PFDN1: variants seen among roughly 807,000 people sequenced by gnomAD.
PFDN1 encodes the protein prefoldin 1.
PFDN1 carries 6 observed loss-of-function variants against 17.3 expected under a neutral mutation model. The ratio of observed to expected loss-of-function variants is 0.35; its 90% confidence interval spans 0.19 to 0.69. The LOEUF is 0.69. Ranked by LOEUF, PFDN1 falls within the 30% of genes least tolerant of loss-of-function variation. The probability of loss-of-function intolerance (pLI) is 0.65; values close to 1 mark genes in which losing one functional copy is unlikely to be tolerated. For synonymous variants in PFDN1, 58 were observed against 50.1 expected (o/e 1.16, Z -0.67); for missense variants, 113 against 146.2 (o/e 0.77, Z 1.17).
chr5:140,276,298 G>C (rs571949015), intron 3 of PFDN1, among the ~76,000 whole-genome samples: 2 of 152,218 alleles, frequency 1.3e-5, no homozygotes, highest in East Asian at 3.9e-4. Context: ...AGAGTAACCA[G>C]AGAACACAAG....
intron 2 of PFDN1, among the ~76,000 whole-genome samples, chr5:140,286,922 T>C (rs986328163): frequency 6.6e-6 from 1 of 152,130 alleles, no homozygotes; most frequent in East Asian, 1.9e-4. Context: ...GTTTTCTAAG[T>C]ATGTAAAAAA....
At chr5:140,262,165 G>C (rs1765074477) in intron 3 of PFDN1, among the ~76,000 whole-genome samples, 1 of 152,138 alleles carries the variant, frequency 6.6e-6, no homozygotes, top group Non-Finnish European at 1.5e-5. Context: ...TCAATTTCCA[G>C]ATGCCAGGCC....
chr5:140,270,643 G>GGTGCCCATA (rs1765192757), intron 3 of PFDN1, among the ~76,000 whole-genome samples: 1 of 151,794 alleles, frequency 6.6e-6, no homozygotes, highest in African/African-American at 2.4e-5. Context: ...ACCAATCTAT[G>GGTGCCCATA]GGCCAGGCAC....
At chr5:140,278,516 C>T (rs1765335006) in intron 3 of PFDN1, among the ~76,000 whole-genome samples, 2 of 130,606 alleles carry the variant, frequency 1.5e-5, no homozygotes, top group Non-Finnish European at 3.1e-5. Flanking sequence ...AGCCAAGACA[C>T]ACCACTGGAC....
chr5:140,252,863 C>A (rs1397119407), intron 3 of PFDN1, among the ~76,000 whole-genome samples: 1 of 152,214 alleles, frequency 6.6e-6, no homozygotes, highest in African/African-American at 2.4e-5. Flanking sequence ...GCCCTGAGGG[C>A]ACATGTGCCC....
At chr5:140,270,643 G>A (rs1765192711) in intron 3 of PFDN1, among the ~76,000 whole-genome samples, 1 of 151,794 alleles carries the variant, frequency 6.6e-6, no homozygotes, top group Admixed American at 6.6e-5. Context: ...ACCAATCTAT[G>A]GGCCAGGCAC....
chr5:140,299,514 T>C (rs903715306), intron 2 of PFDN1, among the ~76,000 whole-genome samples: 1 of 150,964 alleles, frequency 6.6e-6, no homozygotes, highest in Non-Finnish European at 1.5e-5. Flanking sequence ...GCAGAATTGT[T>C]TGAACCCAAG....
chr5:140,282,039 TAGTC>T (rs1554072526), intron 2 of PFDN1: 1 of 147,260 alleles, frequency 6.8e-6, no homozygotes, highest in Non-Finnish European at 1.5e-5. Flanking sequence ...TTTAAAATAT[TAGTC>T]AGGCACAGTG....
chr5:140,287,771 A>C (rs1196865986), intron 2 of PFDN1, among the ~76,000 whole-genome samples: 1 of 152,252 alleles, frequency 6.6e-6, no homozygotes, highest in Non-Finnish European at 1.5e-5. Flanking sequence ...TATTTAAAAC[A>C]GGCAAAAGAT....
intron 2 of PFDN1, among the ~76,000 whole-genome samples, chr5:140,288,610 T>C (rs568356391): frequency 1.3e-5 from 2 of 152,076 alleles, no homozygotes; most frequent in Non-Finnish European, 2.9e-5. Flanking sequence ...GAAGAAACAG[T>C]GTGGGAGAGA....
intron 1 of PFDN1, among the ~76,000 whole-genome samples, chr5:140,301,554 G>T (rs1483574566): frequency 6.6e-6 from 1 of 152,148 alleles, no homozygotes; most frequent in East Asian, 1.9e-4. Flanking sequence ...TTACTTTGGG[G>T]AAGGGGAGGG....
rs193056087 is a variant in PFDN1 at position 140,279,133 on chromosome 5, G to A, written c.285+2316C>T. ...AATTCCTATTTTAAAAAAAGGTTGT[G>A]TATATATATGCATGTATGAATGTCT... On this transcript the variant is annotated intron_variant, in intron 3 of 3. Coordinates refer to ENST00000261813, the MANE Select transcript of PFDN1 (RefSeq NM_002622.5). 3.9e-5 allele frequency among the ~76,000 whole-genome samples: 6 copies of A among 152,238 alleles called. No individual in the cohort carries two copies. In the East Asian group the frequency reaches 1.2e-3, roughly 29 times the overall value.
chr5:140,282,088 G>A (rs1765411649), intron 2 of PFDN1: 2 of 151,886 alleles, frequency 1.3e-5, no homozygotes, highest in Non-Finnish European at 2.9e-5. Context: ...TAGGGAGGCT[G>A]AGGTGGGAGG....
At chr5:140,291,177 C>T (rs893867946) in intron 2 of PFDN1, among the ~76,000 whole-genome samples, 2 of 152,194 alleles carry the variant, frequency 1.3e-5, no homozygotes, top group African/African-American at 2.4e-5. Flanking sequence ...CAAAGGATTA[C>T]TCTGGCTGAT....
intron 3 of PFDN1, among the ~76,000 whole-genome samples, chr5:140,256,371 C>A (rs545159047): frequency 4.6e-5 from 7 of 152,072 alleles, no homozygotes; most frequent in Admixed American, 2.0e-4. Context: ...CAGAGCAAGC[C>A]TCCATCTCAA....
chr5:140,256,700 T>C (rs1236943977), intron 3 of PFDN1, among the ~76,000 whole-genome samples: 1 of 118,998 alleles, frequency 8.4e-6, no homozygotes, highest in Non-Finnish European at 1.7e-5. Context: ...TTTTCAAGAA[T>C]GACCCTACAT....
intron 2 of PFDN1, among the ~76,000 whole-genome samples, chr5:140,297,203 C>A (rs115884696): frequency 1.3e-5 from 2 of 151,972 alleles, no homozygotes; most frequent in Non-Finnish European, 1.5e-5. Context: ...CATTTTATTA[C>A]GGTTTTAAAA....
rs1765172443 is a variant in PFDN1 at position 140,269,244 on chromosome 5, C to A, written c.285+12205G>T. ...CCCAGGCTGGTCTCGAACTCCAGGG[C>A]TCAAAAGATCTGCCTGCCTCAGACT... On this transcript the variant is annotated intron_variant, in intron 3 of 3. Coordinates refer to ENST00000261813, the MANE Select transcript of PFDN1 (RefSeq NM_002622.5). Among the ~76,000 whole-genome samples, 4 of 151,912 alleles carry A rather than the reference C, an allele frequency of 2.6e-5. No homozygotes were observed. The Middle Eastern group carries it at 0.01, about 393-fold the overall frequency.
intron 3 of PFDN1, among the ~76,000 whole-genome samples, chr5:140,264,895 T>G (rs1561499369): frequency 6.6e-6 from 1 of 152,248 alleles, no homozygotes; most frequent in East Asian, 1.9e-4. Flanking sequence ...TAGCAATGTG[T>G]GTGTACATAA....
Sources: allele counts gnomAD v4.1 joint callset (sites outside exome capture counted in the v4.1 genomes callset), GRCh38; gene constraint gnomAD v4.1.1; transcripts MANE v1.5; gene names NCBI Gene and HGNC (gene_info 2026-07-23, HGNC 2026-07-21).